The following ACTR3C variants were observed in gnomAD, a reference collection of about 807,000 sequenced individuals.
ACTR3C encodes actin related protein 3C.
In ACTR3C, 18 loss-of-function variants were observed where a neutral mutation model predicts 26.3. That is an observed-to-expected ratio of 0.68 (90% CI 0.47 to 1.01). ACTR3C has a LOEUF of 1.01. Among genes scored for constraint, ACTR3C ranks in the 50% least tolerant of loss-of-function variants. The pLI, the probability that ACTR3C is intolerant of heterozygous loss-of-function variation, is 0.00. For missense variants in ACTR3C, 184 were observed against 250.7 expected, an observed-to-expected ratio of 0.73 and a Z score of 1.80; for synonymous variants, 55 against 94.5, an observed-to-expected ratio of 0.58 and a Z score of 2.42.
the ACTR3C span, among the ~76,000 whole-genome samples, chr7:150,197,335 T>A: frequency 2.6e-5 from 4 of 152,356 alleles, no homozygotes; most frequent in Admixed American, 6.5e-5. Context: ...CCAATTCACC[T>A]GTTATTCCAG....
chr7:150,100,155 A>G, the ACTR3C span, among the ~76,000 whole-genome samples: 7 of 151,646 alleles, frequency 4.6e-5, no homozygotes, highest in South Asian at 1.5e-3. Flanking sequence ...TGGCTTCCAC[A>G]TACATACGCA....
the ACTR3C span, among the ~76,000 whole-genome samples, chr7:150,191,905 T>C: frequency 6.6e-6 from 1 of 152,258 alleles, no homozygotes; most frequent in South Asian, 2.1e-4. Context: ...TCCACTCTAT[T>C]CCTACCATAC....
the ACTR3C span, among the ~76,000 whole-genome samples, chr7:150,157,672 C>G: frequency 1.3e-5 from 2 of 152,192 alleles, no homozygotes; most frequent in African/African-American, 4.8e-5. Flanking sequence ...GCAAGTTCCT[C>G]CAACTCAAAC....
chr7:149,915,458 C>A, the ACTR3C span, among the ~76,000 whole-genome samples: 2 of 152,062 alleles, frequency 1.3e-5, no homozygotes, highest in African/African-American at 4.8e-5. Flanking sequence ...AATAAACTCT[C>A]TATGTACAAG....
chr7:149,898,373 T>C, the ACTR3C span, among the ~76,000 whole-genome samples: 4 of 152,204 alleles, frequency 2.6e-5, no homozygotes, highest in Non-Finnish European at 5.9e-5. Flanking sequence ...AACTTAATTG[T>C]GTGTGAATCC....
At chr7:150,006,214 T>TTTATTTATTTATTTATTTATTTATTTA in the ACTR3C span, among the ~76,000 whole-genome samples, 121 of 82,126 alleles carry the variant, frequency 1.5e-3, no homozygotes, top group African/African-American at 6.7e-3. Flanking sequence ...TTATTTATTT[T>TTTATTTATTTATTTATTTATTTATTTA]GAGAAGGAGT....
At chr7:150,237,734 G>A in the ACTR3C span, among the ~76,000 whole-genome samples, 8 of 151,820 alleles carry the variant, frequency 5.3e-5, no homozygotes, top group Non-Finnish European at 1.2e-4. Context: ...CGCAGGCCTC[G>A]CCCTGGCAGG....
At chr7:150,123,757 T>G in the ACTR3C span, among the ~76,000 whole-genome samples, 1 of 152,068 alleles carries the variant, frequency 6.6e-6, no homozygotes, top group Admixed American at 6.5e-5. Flanking sequence ...TTTGGTGACA[T>G]GAAAAAGAGC....
At chr7:150,184,536 C>T in the ACTR3C span, among the ~76,000 whole-genome samples, 1 of 150,280 alleles carries the variant, frequency 6.7e-6, no homozygotes, top group African/African-American at 2.5e-5. Flanking sequence ...TGAGAAAACA[C>T]TCACACCGCT....
chr7:150,117,523 G>C, the ACTR3C span, among the ~76,000 whole-genome samples: 1 of 152,250 alleles, frequency 6.6e-6, no homozygotes, highest in African/African-American at 2.4e-5. Flanking sequence ...TAGCCAGATT[G>C]CCTCTCTAGA....
At chr7:150,291,297 C>A (rs1000387691) in intron 3 of ACTR3C, among the ~76,000 whole-genome samples, 2 of 152,052 alleles carry the variant, frequency 1.3e-5, no homozygotes, top group African/African-American at 4.8e-5. Context: ...GGCATGGTGG[C>A]GCATGCCTGT....
chr7:150,077,822 T>G, the ACTR3C span, among the ~76,000 whole-genome samples: 1 of 152,228 alleles, frequency 6.6e-6, no homozygotes, highest in South Asian at 2.1e-4. Context: ...GACCACAATC[T>G]GCACTAAGAT....
At chr7:150,199,121 G>T in the ACTR3C span, among the ~76,000 whole-genome samples, 3 of 150,480 alleles carry the variant, frequency 2.0e-5, no homozygotes, top group Admixed American at 6.6e-5. Context: ...ACAGCTCATT[G>T]AGAACGGGCC....
the ACTR3C span, among the ~76,000 whole-genome samples, chr7:149,941,824 C>T: frequency 8.5e-5 from 13 of 152,192 alleles, no homozygotes; most frequent in South Asian, 2.1e-4. Context: ...AATGGTATTG[C>T]GACCCTAGGA....
the ACTR3C span, chr7:150,001,253 C>T: frequency 2.6e-5 from 4 of 152,288 alleles, no homozygotes; most frequent in African/African-American, 9.6e-5. Flanking sequence ...TACTCTATTA[C>T]TCAATTAGGA....
At chr7:150,013,405 C>T in the ACTR3C span, among the ~76,000 whole-genome samples, 7 of 152,256 alleles carry the variant, frequency 4.6e-5, no homozygotes, top group Non-Finnish European at 7.3e-5. Flanking sequence ...AGGTGAACCT[C>T]ACGATTCATA....
the ACTR3C span, among the ~76,000 whole-genome samples, chr7:150,070,092 T>A: frequency 1.3e-5 from 2 of 152,198 alleles, no homozygotes; most frequent in Non-Finnish European, 2.9e-5. Context: ...CCAGGGCTGT[T>A]CCCAGACCAC....
chr7:150,240,414 CA>C (rs1364284914), downstream of ACTR3C, among the ~76,000 whole-genome samples: 1 of 152,160 alleles, frequency 6.6e-6, no homozygotes, highest in African/African-American at 2.4e-5. Context: ...AAGTTGGAAA[CA>C]ACCTAAATAT....
At chr7:149,903,407 C>T in the ACTR3C span, among the ~76,000 whole-genome samples, 2 of 152,008 alleles carry the variant, frequency 1.3e-5, no homozygotes, top group Non-Finnish European at 2.9e-5. Context: ...AAAAATCTTA[C>T]AAACCTCAGT....
Sources: gnomAD v4.1 joint callset for allele counts (sites outside exome capture counted in the v4.1 genomes callset) on GRCh38, gnomAD v4.1.1 for gene constraint, MANE v1.5 for transcripts, NCBI Gene and HGNC (gene_info 2026-07-23, HGNC 2026-07-21) for gene names.